The following ELAVL2 variants were observed in gnomAD, a reference collection of about 807,000 sequenced individuals.
The protein encoded by ELAVL2 is ELAV like RNA binding protein 2, also known as ELAV-like protein 2.
A neutral mutation model predicts 34.6 loss-of-function variants in ELAVL2; 4 were observed. That is an observed-to-expected ratio of 0.12 (90% CI 0.06 to 0.26). The LOEUF is 0.26. Among genes scored for constraint, ELAVL2 ranks in the 10% least tolerant of loss-of-function variants. The probability of loss-of-function intolerance (pLI) is 1.00; values close to 1 mark genes in which losing one functional copy is unlikely to be tolerated. For synonymous variants in ELAVL2, 193 were observed against 154.8 expected (o/e 1.25, Z -1.83); for missense variants, 432 against 442.8 (o/e 0.98, Z 0.22).
chr9:23,739,249 G>A (rs565900985), intron 2 of ELAVL2, among the ~76,000 whole-genome samples: 115 of 152,160 alleles, frequency 7.6e-4, no homozygotes, highest in African/African-American at 2.5e-3. Context: ...AGTGTAGCAC[G>A]CTCAGCACCA....
intron 1 of ELAVL2, among the ~76,000 whole-genome samples, chr9:23,790,892 C>G (rs1323415166): frequency 6.6e-6 from 1 of 152,188 alleles, no homozygotes; most frequent in Non-Finnish European, 1.5e-5. Context: ...CTGATGAACA[C>G]TTAACCTCTA....
At chr9:23,737,254 G>T (rs2048119018) in intron 2 of ELAVL2, among the ~76,000 whole-genome samples, 1 of 152,204 alleles carries the variant, frequency 6.6e-6, no homozygotes, top group Admixed American at 6.5e-5. Context: ...CCTTCCAGGA[G>T]CCTGTGGTTT....
intron 2 of ELAVL2, among the ~76,000 whole-genome samples, chr9:23,756,960 G>C (rs544949369): frequency 6.6e-5 from 10 of 152,200 alleles, no homozygotes; most frequent in Admixed American, 1.3e-4. Context: ...CGGGAATCCT[G>C]TGACCATACT....
At chr9:23,798,755 C>G (rs1235979867) in intron 1 of ELAVL2, among the ~76,000 whole-genome samples, 1 of 152,042 alleles carries the variant, frequency 6.6e-6, no homozygotes, top group Non-Finnish European at 1.5e-5. Flanking sequence ...TGAACACTTT[C>G]CATTTCCAAT....
At chr9:23,699,245 G>C (rs1427219081) in intron 5 of ELAVL2, among the ~76,000 whole-genome samples, 3 of 152,106 alleles carry the variant, frequency 2.0e-5, no homozygotes, top group African/African-American at 7.2e-5. Context: ...GTAAACCTAA[G>C]GGCTGACACC....
At chr9:23,809,032 T>A (rs2062619152) in intron 1 of ELAVL2, among the ~76,000 whole-genome samples, 1 of 152,180 alleles carries the variant, frequency 6.6e-6, no homozygotes, top group South Asian at 2.1e-4. Flanking sequence ...CTATGTCCTA[T>A]AAAATGTGAT....
chr9:23,739,069 T>A (rs977452967), intron 2 of ELAVL2, among the ~76,000 whole-genome samples: 1 of 152,120 alleles, frequency 6.6e-6, no homozygotes, highest in Admixed American at 6.5e-5. Context: ...TTAAATCCTC[T>A]AAATTCTTGC....
intron 1 of ELAVL2, among the ~76,000 whole-genome samples, chr9:23,809,105 T>C (rs914432672): frequency 1.3e-5 from 2 of 152,206 alleles, no homozygotes; most frequent in Non-Finnish European, 2.9e-5. Context: ...TCCTGTGATA[T>C]TCTAAATTAC....
intron 5 of ELAVL2, among the ~76,000 whole-genome samples, chr9:23,698,416 A>G (rs149493898): frequency 2.0e-5 from 3 of 152,338 alleles, no homozygotes; most frequent in African/African-American, 7.2e-5. Flanking sequence ...CTTTAAACTT[A>G]ACCCTTATTA....
At chr9:23,783,375 G>T in intron 1 of ELAVL2, 1 of 923,672 alleles carries the variant, frequency 1.1e-6, no homozygotes, top group Non-Finnish European at 1.3e-6. Context: ...TAACTCCAAG[G>T]AAAACCGAAA....
chr9:23,696,749 A>C (rs1391375491), intron 5 of ELAVL2, among the ~76,000 whole-genome samples: 1 of 152,008 alleles, frequency 6.6e-6, no homozygotes, highest in Non-Finnish European at 1.5e-5. Flanking sequence ...GGATTACAGG[A>C]GTGAGCCACC....
intron 3 of ELAVL2, among the ~76,000 whole-genome samples, chr9:23,708,581 T>C (rs1347203359): frequency 6.6e-6 from 1 of 152,230 alleles, no homozygotes; most frequent in Non-Finnish European, 1.5e-5. Context: ...CTTAAAGGCA[T>C]ACACAGAGAA....
chr9:23,787,590 T>G (rs1278658557), intron 1 of ELAVL2, among the ~76,000 whole-genome samples: 1 of 151,972 alleles, frequency 6.6e-6, no homozygotes, highest in Non-Finnish European at 1.5e-5. Context: ...AAAGATTAAC[T>G]TTTCCAGAAC....
chr9:23,828,990 T>G (rs911381687), upstream of ELAVL2, among the ~76,000 whole-genome samples: 1 of 152,212 alleles, frequency 6.6e-6, no homozygotes, highest in Non-Finnish European at 1.5e-5. Context: ...AACATCTCAC[T>G]TAAGAATAAG....
At chr9:23,845,694 T>C in the ELAVL2 span, among the ~76,000 whole-genome samples, 1 of 151,764 alleles carries the variant, frequency 6.6e-6, no homozygotes, top group Non-Finnish European at 1.5e-5. Flanking sequence ...TTATAAAAAA[T>C]TGAAACTTAC....
chr9:23,761,215 CAG>C (rs1051210826), intron 2 of ELAVL2, among the ~76,000 whole-genome samples: 6 of 152,084 alleles, frequency 3.9e-5, no homozygotes, highest in Non-Finnish European at 8.8e-5. Context: ...GAAAAGTCCA[CAG>C]AGTCTGTCTA....
chr9:23,697,542 G>T (rs956144243), intron 5 of ELAVL2, among the ~76,000 whole-genome samples: 1 of 152,074 alleles, frequency 6.6e-6, no homozygotes, highest in Admixed American at 6.6e-5. Flanking sequence ...ACACGCCCAT[G>T]TACATATGTA....
At chr9:23,692,912 A>G (rs747254978) in intron 6 of ELAVL2, 28 bp from the exon 7 acceptor site, 1 of 1,592,012 alleles carries the variant, frequency 6.3e-7, no homozygotes. Flanking sequence ...AAATACACAC[A>G]TACACACAAA....
At chr9:23,752,523 T>TG (rs2052372036) in intron 2 of ELAVL2, among the ~76,000 whole-genome samples, 1 of 151,836 alleles carries the variant, frequency 6.6e-6, no homozygotes, top group Non-Finnish European at 1.5e-5. Flanking sequence ...TGGAGTGCAG[T>TG]GGCTCACTGC....
Sources: allele counts gnomAD v4.1 joint callset (sites outside exome capture counted in the v4.1 genomes callset), GRCh38; gene constraint gnomAD v4.1.1; transcripts MANE v1.5; gene names NCBI Gene and HGNC (gene_info 2026-07-23, HGNC 2026-07-21).